The following HEATR5B variants were observed in gnomAD, a reference collection of about 807,000 sequenced individuals.
HEATR5B encodes the protein HEAT repeat-containing protein 5B.
HEATR5B carries 156 observed loss-of-function variants against 224.1 expected under a neutral mutation model. The observed-to-expected ratio is 0.70, with a 90% CI of 0.61 to 0.80. The LOEUF (loss-of-function observed/expected upper bound fraction) is 0.80. Ranked by LOEUF, HEATR5B falls within the 30% of genes least tolerant of loss-of-function variation. The pLI is 0.00. For synonymous variants in HEATR5B, 1,027 were observed against 893.0 expected (o/e 1.15, Z -2.68); for missense variants, 2,323 against 2,535.5 (o/e 0.92, Z 1.80).
chr2:36,997,459 G>T (rs1404273457), intron 33 of HEATR5B, among the ~76,000 whole-genome samples: 1 of 152,074 alleles, frequency 6.6e-6, no homozygotes, highest in Non-Finnish European at 1.5e-5. Flanking sequence ...AAAGGGCTGG[G>T]ATTATAGGCA....
At chr2:37,028,613 A>G (rs572872060) in intron 23 of HEATR5B, 68 bp downstream of exon 23, 425 of 1,255,176 alleles carry the variant, frequency 3.4e-4, no homozygotes, top group Non-Finnish European at 4.5e-4. Flanking sequence ...CTTTATACAT[A>G]TATCTATATG....
At chr2:37,080,152 G>A (rs1672466935) in intron 2 of HEATR5B, among the ~76,000 whole-genome samples, 1 of 152,132 alleles carries the variant, frequency 6.6e-6, no homozygotes, top group Non-Finnish European at 1.5e-5. Flanking sequence ...TGGCTGCAGT[G>A]GAGTAAGAGA....
chr2:37,030,056 A>G (rs1238349376), intron 22 of HEATR5B, among the ~76,000 whole-genome samples: 4 of 152,228 alleles, frequency 2.6e-5, no homozygotes, highest in Non-Finnish European at 4.4e-5. Context: ...GCTTCATCAG[A>G]AAATCTTTTC....
intron 33 of HEATR5B, among the ~76,000 whole-genome samples, chr2:36,997,967 T>C (rs1311597009): frequency 6.6e-6 from 1 of 152,256 alleles, no homozygotes; most frequent in African/African-American, 2.4e-5. Context: ...TTTTGATTCA[T>C]GATATAAGAG....
At chr2:36,982,110 A>G (rs987971361) in intron 35 of HEATR5B, among the ~76,000 whole-genome samples, 66 of 152,226 alleles carry the variant, frequency 4.3e-4, no homozygotes, top group African/African-American at 1.6e-3. Flanking sequence ...GAGTAAGATT[A>G]TAAAATTTTT....
intron 35 of HEATR5B, among the ~76,000 whole-genome samples, chr2:36,982,362 T>C (rs910047509): frequency 6.6e-6 from 1 of 152,196 alleles, no homozygotes; most frequent in Non-Finnish European, 1.5e-5. Flanking sequence ...AAATTCCAAG[T>C]CCTTAAAAAA....
At chr2:37,078,745 T>G (rs1672378729) in intron 3 of HEATR5B, among the ~76,000 whole-genome samples, 1 of 152,184 alleles carries the variant, frequency 6.6e-6, no homozygotes, top group African/African-American at 2.4e-5. Flanking sequence ...CCCTTGAATG[T>G]TGACGTTCTA....
intron 24 of HEATR5B, 97 bp from the exon 25 acceptor site, chr2:37,020,933 C>A (rs1205270429): frequency 2.9e-6 from 2 of 692,968 alleles, no homozygotes; most frequent in Non-Finnish European, 4.7e-6. Context: ...ATAAAAAACA[C>A]AATCCACATA....
At chr2:37,050,480 A>G (rs1670468903) in intron 17 of HEATR5B, among the ~76,000 whole-genome samples, 1 of 152,202 alleles carries the variant, frequency 6.6e-6, no homozygotes, top group Non-Finnish European at 1.5e-5. Flanking sequence ...ATCAACCATT[A>G]TTTAACTGAT....
intron 33 of HEATR5B, among the ~76,000 whole-genome samples, chr2:36,992,107 AGAATTGCTT>A: frequency 6.6e-6 from 1 of 152,298 alleles, no homozygotes; most frequent in East Asian, 1.9e-4. Context: ...CTGAGGCTAC[AGAATTGCTT>A]GGATCCGGGA....
chr2:37,043,084 T>C (rs1669977862), intron 18 of HEATR5B, among the ~76,000 whole-genome samples: 1 of 152,178 alleles, frequency 6.6e-6, no homozygotes, highest in African/African-American at 2.4e-5. Context: ...TAATTCTGAC[T>C]GAAATGTTAG....
At chr2:37,009,667 A>T (rs1037874460) in intron 27 of HEATR5B, among the ~76,000 whole-genome samples, 3 of 152,162 alleles carry the variant, frequency 2.0e-5, no homozygotes, top group Admixed American at 1.3e-4. Flanking sequence ...CATTTTTCTA[A>T]AAAAACTGAT....
chr2:37,076,844 A>G (rs1672266922), intron 4 of HEATR5B, 67 bp downstream of exon 4: 3 of 1,194,190 alleles, frequency 2.5e-6, no homozygotes, highest in Admixed American at 3.7e-5. Flanking sequence ...AGAAACAAAC[A>G]TATTTTAGCT....
At chr2:37,048,530 C>T (rs1454370540) in intron 18 of HEATR5B, among the ~76,000 whole-genome samples, 1 of 151,972 alleles carries the variant, frequency 6.6e-6, no homozygotes, top group Admixed American at 6.6e-5. Flanking sequence ...AAAAAAATTA[C>T]CCTTCAAGAG....
chr2:37,045,888 G>A (rs1172003986), intron 18 of HEATR5B, among the ~76,000 whole-genome samples: 2 of 152,126 alleles, frequency 1.3e-5, no homozygotes, highest in Non-Finnish European at 2.9e-5. Flanking sequence ...GTTGTCCAAT[G>A]TCTCAAAACT....
intron 33 of HEATR5B, among the ~76,000 whole-genome samples, chr2:36,994,091 G>A (rs998298538): frequency 6.6e-6 from 1 of 152,124 alleles, no homozygotes; most frequent in Non-Finnish European, 1.5e-5. Flanking sequence ...AAGTACGTAG[G>A]AATAGAGTCA....
At chr2:37,047,373 C>A (rs986289825) in intron 18 of HEATR5B, among the ~76,000 whole-genome samples, 7 of 152,128 alleles carry the variant, frequency 4.6e-5, no homozygotes, top group African/African-American at 1.7e-4. Context: ...TAAATGCAAT[C>A]TGTGAATTCT....
intron 1 of HEATR5B, 74 bp from the exon 2 acceptor site, chr2:37,083,510 C>A (rs1037729470): frequency 1.4e-5 from 16 of 1,106,674 alleles, no homozygotes; most frequent in Non-Finnish European, 1.8e-5. Context: ...GGAATATACT[C>A]ACTAAGAAAA....
In HEATR5B at chr2:37,079,285, C is replaced by A; in HGVS notation, c.173G>T (p.Gly58Val). The A allele has an allele frequency of 1.2e-6, 2 of 1,612,586 alleles. No individual in the cohort carries two copies. Among genetic ancestry groups the A allele is most frequent in the Non-Finnish European group, 1.7e-6 (2 of 1,179,342 alleles). ...TGGTCCAGGTGAACTACTTATTAAT[C>A]CAGTTAATTGTTCAACAAGTTTTTT... Reference protein sequence around the residue: ...KQKKLVEQLTGLISSSPGPPT... With the variant: ...KQKKLVEQLTVLISSSPGPPT... The change falls in exon 3 of 36, where the codon GGA becomes GTA. Residue 58 changes from glycine (G) to valine (V), a missense_variant. Coordinates refer to ENST00000233099, the MANE Select transcript of HEATR5B (RefSeq NM_019024.3).
Sources: gnomAD v4.1 joint callset for allele counts (sites outside exome capture counted in the v4.1 genomes callset) on GRCh38, gnomAD v4.1.1 for gene constraint, MANE v1.5 for transcripts, NCBI Gene and HGNC (gene_info 2026-07-23, HGNC 2026-07-21) for gene names.